Variants in ADAMTS17 observed in about 807,000 individuals in gnomAD.
ADAMTS17 encodes ADAM metallopeptidase with thrombospondin type 1 motif 17.
ADAMTS17 carries 113 observed loss-of-function variants against 141.5 expected under a neutral mutation model. The ratio of observed to expected loss-of-function variants is 0.80; its 90% CI spans 0.69 to 0.93. The LOEUF (loss-of-function observed/expected upper bound fraction) is 0.93, where lower values mean the gene tolerates loss of function less well. Ranked by LOEUF, ADAMTS17 falls within the 40% of genes least tolerant of loss-of-function variation. The pLI is 0.00. For synonymous variants in ADAMTS17, 768 were observed against 630.6 expected (o/e 1.22, Z -3.27); for missense variants, 1,659 against 1,517.9 (o/e 1.09, Z -1.54).
intron 12 of ADAMTS17, among the ~76,000 whole-genome samples, chr15:100,130,161 T>C (rs2037962063): frequency 6.6e-6 from 1 of 151,858 alleles, no homozygotes; most frequent in South Asian, 2.1e-4. Flanking sequence ...GGTCAGGAGT[T>C]CAAGACCAGC....
At chr15:100,155,485 A>C (rs1020459871) in intron 8 of ADAMTS17, among the ~76,000 whole-genome samples, 165 bp from the exon 9 acceptor site, 6 of 152,248 alleles carry the variant, frequency 3.9e-5, no homozygotes, top group Non-Finnish European at 8.8e-5. Flanking sequence ...GTTTTCACAG[A>C]AATAGAGGGT....
chr15:99,992,913 G>C, intron 20 of ADAMTS17, 135 bp downstream of exon 20: 1 of 1,134,814 alleles, frequency 8.8e-7, no homozygotes, highest in South Asian at 1.4e-5. Flanking sequence ...GTTGCAGCGG[G>C]TGGAAGGAAA....
chr15:99,976,536 ATGT>A lies in ADAMTS17; in HGVS notation c.2950-317_2950-315del, dbSNP rs2060335253. ...CTGCCTGATAGAAGACTGTTTCAAG[ATGT>A]TATGGAATACATGTTTGTGTCTCTG... On this transcript the variant is annotated intron_variant, in intron 20 of 21. Transcript: ENST00000268070. The A allele has an allele frequency of 9.4e-6, 5 of 532,736 alleles. No homozygotes were observed. The East Asian group carries it at 1.7e-4, about 18-fold the overall frequency. The allele number at this position is 532,736 out of a possible 1,614,324, so 33.0% of individuals were successfully genotyped here. A position where few individuals can be genotyped will look rare whatever the true frequency, so the allele number is the denominator to read the frequency against.
intron 10 of ADAMTS17, 108 bp downstream of exon 10, chr15:100,152,504 G>T (rs967286148): frequency 2.8e-6 from 4 of 1,437,824 alleles, no homozygotes; most frequent in Non-Finnish European, 2.9e-6. Flanking sequence ...GTGTGTGTAT[G>T]TGCCTGTGCT....
intron 8 of ADAMTS17, among the ~76,000 whole-genome samples, chr15:100,169,883 G>A (rs1473743266): frequency 6.6e-6 from 1 of 152,198 alleles, no homozygotes; most frequent in Admixed American, 6.5e-5. Context: ...CCAGCTTGAA[G>A]CAATGACACC....
At chr15:100,199,117 T>G (rs1226323053) in intron 8 of ADAMTS17, among the ~76,000 whole-genome samples, 1 of 152,174 alleles carries the variant, frequency 6.6e-6, no homozygotes, top group African/African-American at 2.4e-5. Context: ...AAATTAACAT[T>G]TCAACTCTCC....
At chr15:100,210,929 G>A (rs2041781462) in intron 7 of ADAMTS17, among the ~76,000 whole-genome samples, 1 of 151,890 alleles carries the variant, frequency 6.6e-6, no homozygotes, top group Non-Finnish European at 1.5e-5. Flanking sequence ...GTGAAACCTC[G>A]ACTCTACTAA....
intron 15 of ADAMTS17, among the ~76,000 whole-genome samples, chr15:100,083,960 A>G (rs28711668): frequency 0.33 from 49,424 of 151,322 alleles, 10,330 homozygotes; most frequent in East Asian, 0.58. Context: ...CTGAGGTACT[A>G]GGTTCATCTC....
chr15:100,132,168 G>C lies in ADAMTS17; in HGVS notation c.1576-16C>G. 1.2e-6 allele frequency: 2 copies of C among 1,611,690 alleles called. No homozygotes were observed. The highest frequency in any genetic ancestry group is 1.7e-6 in the Non-Finnish European group (2 of 1,179,454). On this transcript the variant is annotated splice_polypyrimidine_tract_variant and intron_variant, in intron 11 of 21. Coordinates refer to ENST00000268070, the MANE Select transcript of ADAMTS17 (RefSeq NM_139057.4). Reference sequence around the variant, plus strand: ...CGCGGCACCACTGAAACACAGCGGGGAGGGTCGGGGCCCAGGCACTCAGCA... The same window carrying C: ...CGCGGCACCACTGAAACACAGCGGGCAGGGTCGGGGCCCAGGCACTCAGCA...
chr15:100,301,531 G>T (rs945229193), intron 3 of ADAMTS17, among the ~76,000 whole-genome samples: 6 of 149,900 alleles, frequency 4.0e-5, no homozygotes, highest in Non-Finnish European at 5.9e-5. Flanking sequence ...TAGAGACGGG[G>T]TTTCACTGTG....
At chr15:100,030,063 T>A (rs1321021436) in intron 18 of ADAMTS17, among the ~76,000 whole-genome samples, 1 of 152,190 alleles carries the variant, frequency 6.6e-6, no homozygotes, top group African/African-American at 2.4e-5. Flanking sequence ...GGATCAGCTC[T>A]CTGAGAGGTG....
chr15:100,328,205 A>C (rs554582085), intron 3 of ADAMTS17, among the ~76,000 whole-genome samples: 38 of 152,320 alleles, frequency 2.5e-4, no homozygotes, highest in African/African-American at 8.7e-4. Context: ...AACTTCTAGG[A>C]AACTTAAAGA....
intron 15 of ADAMTS17, among the ~76,000 whole-genome samples, chr15:100,075,167 T>C (rs2034280461): frequency 6.6e-6 from 1 of 152,224 alleles, no homozygotes; most frequent in Admixed American, 6.5e-5. Context: ...TCCTACTTTC[T>C]CACATCCCAT....
intron 10 of ADAMTS17, among the ~76,000 whole-genome samples, chr15:100,133,573 C>T (rs558572211): frequency 1.3e-5 from 2 of 152,146 alleles, no homozygotes; most frequent in Non-Finnish European, 2.9e-5. Flanking sequence ...CAACAACCAC[C>T]GAGGGCCTAG....
chr15:100,184,266 CTG>C (rs1567315924), intron 8 of ADAMTS17, among the ~76,000 whole-genome samples: 1 of 134,444 alleles, frequency 7.4e-6, no homozygotes, highest in African/African-American at 3.0e-5. Context: ...ATGTCTAAGA[CTG>C]TGGAAAGCTC....
At chr15:99,975,609 A>C (rs1415759472) in intron 21 of ADAMTS17, among the ~76,000 whole-genome samples, 1 of 152,024 alleles carries the variant, frequency 6.6e-6, no homozygotes, top group Non-Finnish European at 1.5e-5. Context: ...AACCACTCAC[A>C]CAGTCTGCAG....
At chr15:100,266,950 G>A (rs1414917596) in intron 4 of ADAMTS17, among the ~76,000 whole-genome samples, 1 of 152,180 alleles carries the variant, frequency 6.6e-6, no homozygotes, top group African/African-American at 2.4e-5. Flanking sequence ...TAAGTACCCA[G>A]TAAATCAATC....
At chr15:100,059,631 A>C (rs1233886947) in intron 15 of ADAMTS17, among the ~76,000 whole-genome samples, 3 of 152,228 alleles carry the variant, frequency 2.0e-5, no homozygotes, top group African/African-American at 7.2e-5. Flanking sequence ...GATCATTTTT[A>C]ACAGTGAATA....
At chr15:100,079,932 C>T (rs11853616) in intron 15 of ADAMTS17, among the ~76,000 whole-genome samples, 23,693 of 152,116 alleles carry the variant, frequency 0.16, 3,576 homozygotes, top group African/African-American at 0.4. Flanking sequence ...CTGCAAAGAA[C>T]GGTGGAATGG....
Sources: gnomAD v4.1 joint callset for allele counts (sites outside exome capture counted in the v4.1 genomes callset) on GRCh38, gnomAD v4.1.1 for gene constraint, MANE v1.5 for transcripts, NCBI Gene and HGNC (gene_info 2026-07-23, HGNC 2026-07-21) for gene names.